Variants in COL28A1 observed in about 807,000 individuals in gnomAD.
The protein encoded by COL28A1 is collagen alpha-1(XXVIII) chain.
In COL28A1, 161 loss-of-function variants were observed where a neutral mutation model predicts 150.2. That is an observed-to-expected ratio of 1.07 (90% confidence interval 0.94 to 1.22). The LOEUF (loss-of-function observed/expected upper bound fraction) is 1.22, where lower values mean the gene tolerates loss of function less well. COL28A1 is among the 50% of genes most tolerant of loss of function. The pLI is 0.00. For synonymous variants in COL28A1, 552 were observed against 469.7 expected (o/e 1.18, Z -2.26); for missense variants, 1,617 against 1,388.3 (o/e 1.16, Z -2.62).
chr7:7,348,643 CTCT>C, the COL28A1 span, among the ~76,000 whole-genome samples: 92,800 of 151,602 alleles, frequency 0.61, 32,384 homozygotes, highest in East Asian at 0.87. Flanking sequence ...TTAGTTTCTG[CTCT>C]TTTTTTTTTA....
chr7:7,354,146 T>C (rs1780295738), downstream of COL28A1, among the ~76,000 whole-genome samples: 1 of 151,940 alleles, frequency 6.6e-6, no homozygotes, highest in Non-Finnish European at 1.5e-5. Context: ...GCACCCATCA[T>C]GATGTATGGC....
rs114012858 is a variant in COL28A1, at chr7:7,515,924, G to C, written c.856-84C>G. ...GGATTAGGTATTTTTCAATTACAAGGTATAACAAAAACACATCTATACAGT... is the reference window on the plus strand; with the variant it reads ...GGATTAGGTATTTTTCAATTACAAGCTATAACAAAAACACATCTATACAGT... On this transcript the variant is annotated intron_variant, in intron 7 of 34. Coordinates refer to ENST00000399429, the MANE Select transcript of COL28A1 (RefSeq NM_001037763.3). The C allele has an allele frequency of 4.2e-3, 3,222 of 758,310 alleles. 69 individuals are homozygous for C. The African/African-American group carries it at 0.05, about 12-fold the overall frequency. The allele number at this position is 758,310 out of a possible 1,614,324, so 47.0% of individuals were successfully genotyped here.
At chr7:7,510,350 T>A (rs1393273296) in intron 9 of COL28A1, among the ~76,000 whole-genome samples, 4 of 152,208 alleles carry the variant, frequency 2.6e-5, no homozygotes, top group Admixed American at 1.3e-4. Flanking sequence ...AGTGGCACGA[T>A]CTTGGCTCAC....
At chr7:7,524,330 T>C (rs1198328723) in intron 3 of COL28A1, 81 bp from the exon 4 acceptor site, 7 of 850,870 alleles carry the variant, frequency 8.2e-6, no homozygotes, top group Admixed American at 1.8e-5. Context: ...CTATTCCCTA[T>C]GGGATATGAA....
chr7:7,452,220 G>C (rs1370151187), intron 18 of COL28A1, 99 bp downstream of exon 18: 35 of 1,513,000 alleles, frequency 2.3e-5, no homozygotes, highest in Non-Finnish European at 3.1e-5. Flanking sequence ...TGTAGAGTTA[G>C]ATAACACACA....
chr7:7,435,709 G>T (rs995536101), intron 23 of COL28A1, among the ~76,000 whole-genome samples: 2 of 152,136 alleles, frequency 1.3e-5, no homozygotes, highest in Non-Finnish European at 2.9e-5. Context: ...TTTAGTACTT[G>T]AACCCTTTTA....
intron 25 of COL28A1, among the ~76,000 whole-genome samples, chr7:7,421,110 T>G (rs1001236866): frequency 5.3e-5 from 8 of 152,190 alleles, no homozygotes; most frequent in Admixed American, 2.6e-4. Flanking sequence ...AACTGGTGAA[T>G]GGACAAAGTG....
At chr7:7,403,319 C>A (rs899284602) in intron 27 of COL28A1, among the ~76,000 whole-genome samples, 2 of 152,038 alleles carry the variant, frequency 1.3e-5, no homozygotes, top group Admixed American at 6.6e-5. Flanking sequence ...GGATGGGTAC[C>A]TAGATCATAT....
intron 14 of COL28A1, among the ~76,000 whole-genome samples, chr7:7,475,452 G>A (rs1788786721): frequency 6.6e-6 from 1 of 152,088 alleles, no homozygotes; most frequent in South Asian, 2.1e-4. Context: ...GAATATAACT[G>A]CATATACTTG....
intron 26 of COL28A1, 152 bp downstream of exon 26, chr7:7,419,733 C>T (rs746368543): frequency 9.1e-6 from 4 of 437,978 alleles, no homozygotes; most frequent in Admixed American, 4.2e-5. Context: ...TTTTACTGAA[C>T]GTTCACCTGA....
the COL28A1 span, among the ~76,000 whole-genome samples, chr7:7,348,461 C>T: frequency 6.6e-6 from 1 of 150,890 alleles, no homozygotes; most frequent in Non-Finnish European, 1.5e-5. Flanking sequence ...AGTTCTAGCA[C>T]ACTCTCACTC....
chr7:7,423,329 TA>T (rs1413723609), intron 25 of COL28A1, among the ~76,000 whole-genome samples: 10 of 152,200 alleles, frequency 6.6e-5, no homozygotes, highest in African/African-American at 2.4e-4. Context: ...TGTGCATGCT[TA>T]ATTTTCATAA....
chr7:7,339,219 A>G, the COL28A1 span, among the ~76,000 whole-genome samples: 1 of 152,122 alleles, frequency 6.6e-6, no homozygotes, highest in Non-Finnish European at 1.5e-5. Context: ...ATCGAATCCA[A>G]TCTTTTGCCT....
intron 7 of COL28A1, among the ~76,000 whole-genome samples, chr7:7,516,897 CT>C (rs1390365929): frequency 6.6e-6 from 1 of 151,934 alleles, no homozygotes; most frequent in Non-Finnish European, 1.5e-5. Flanking sequence ...CCTGGCCTGA[CT>C]TTTTTTACAA....
At chr7:7,506,695 T>C (rs1236758806) in intron 10 of COL28A1, among the ~76,000 whole-genome samples, 1 of 152,236 alleles carries the variant, frequency 6.6e-6, no homozygotes, top group Non-Finnish European at 1.5e-5. Context: ...GTCCATATTA[T>C]AGAACATTAT....
Position 7,531,579 on chromosome 7 carries a change from C to G in COL28A1, c.450G>C (p.Lys150Asn). 5.0e-6 allele frequency: 8 copies of G among 1,603,582 alleles called. No homozygotes were observed. The South Asian group carries it at 8.8e-5, about 18-fold the overall frequency. ...ATRLLKREGR[K>N]DGVKVVLLMT... ...TCAGCAAAACCACTTTCACACCATC[C>G]TTACGCCCTTCTCTCTTAAGTAGCC... The change falls in exon 3 of 35, where the codon AAG (lysine) becomes AAC (asparagine). Residue 150 changes from lysine (K) to asparagine (N), a missense_variant. Transcript: ENST00000399429.
At chr7:7,382,220 G>T (rs887885044) in intron 27 of COL28A1, among the ~76,000 whole-genome samples, 20 of 151,790 alleles carry the variant, frequency 1.3e-4, no homozygotes, top group Admixed American at 2.6e-4. Flanking sequence ...TGAGGCAGAA[G>T]AATTGCTTGA....
At chr7:7,414,468 G>A (rs994584323) in intron 27 of COL28A1, among the ~76,000 whole-genome samples, 6 of 152,236 alleles carry the variant, frequency 3.9e-5, no homozygotes, top group African/African-American at 1.2e-4. Context: ...GGCAGAGCCA[G>A]TTGGGCCAGC....
the COL28A1 span, among the ~76,000 whole-genome samples, chr7:7,348,976 T>G: frequency 6.6e-6 from 1 of 152,014 alleles, no homozygotes; most frequent in Non-Finnish European, 1.5e-5. Flanking sequence ...GAGCTCCTGG[T>G]CTCAAGCAAT....
Sources: allele counts gnomAD v4.1 joint callset (sites outside exome capture counted in the v4.1 genomes callset), GRCh38; gene constraint gnomAD v4.1.1; transcripts MANE v1.5; gene names NCBI Gene and HGNC (gene_info 2026-07-23, HGNC 2026-07-21).